Variants in RBSN observed in about 807,000 individuals in gnomAD.
RBSN encodes rabenosyn-5.
RBSN carries 34 observed loss-of-function variants against 60.5 expected under a neutral mutation model. That is an observed-to-expected ratio of 0.56 (90% confidence interval 0.43 to 0.75). The LOEUF (loss-of-function observed/expected upper bound fraction) is 0.75. Among genes scored for constraint, RBSN ranks in the 30% least tolerant of loss-of-function variants. The pLI is 0.00. For synonymous variants in RBSN, 322 were observed against 366.9 expected (o/e 0.88, Z 1.40); for missense variants, 845 against 986.8 (o/e 0.86, Z 1.92).
chr3:15,095,783 T>G, intron 4 of RBSN, 190 bp downstream of exon 4: 1 of 712,586 alleles, frequency 1.4e-6, no homozygotes, highest in Non-Finnish European at 2.3e-6. Flanking sequence ...AGCCACACAG[T>G]TATTGTGAGG....
Position 15,082,734 on chromosome 3 carries a change from G to A in RBSN, c.599-126C>T. The A allele has an allele frequency of 7.4e-7, 1 of 1,349,236 alleles. No individual in the cohort carries two copies. The highest frequency in any genetic ancestry group is 1.0e-6 in the Non-Finnish European group (1 of 993,498). 83.6% of individuals were successfully genotyped at this position (1,349,236 alleles called of 1,614,324 possible). A position where few individuals can be genotyped will look rare whatever the true frequency, so the allele number is the denominator to read the frequency against. On this transcript the variant is annotated intron_variant, in intron 8 of 13. Coordinates refer to ENST00000253699, the MANE Select transcript of RBSN (RefSeq NM_022340.4). This position sits in a 1 kb window ranked among gnomAD's most constrained non-coding sequence, Gnocchi z 4.2. ...TAATAAGATCAGGCTCCAGCTGTGGGCACGTACTGCCCCTCTGCCTTCCTG... is the reference window on the plus strand; with the variant it reads ...TAATAAGATCAGGCTCCAGCTGTGGACACGTACTGCCCCTCTGCCTTCCTG...
At chr3:15,076,263 T>C (rs903303645) in intron 12 of RBSN, among the ~76,000 whole-genome samples, 2 of 152,168 alleles carry the variant, frequency 1.3e-5, no homozygotes, top group African/African-American at 4.8e-5. Context: ...TACTTCTCTA[T>C]ACTACAGAGT....
intron 5 of RBSN, 80 bp from the exon 6 acceptor site, chr3:15,086,041 AG>A: frequency 1.9e-6 from 2 of 1,058,576 alleles, no homozygotes. Context: ...CTCTTATCCC[AG>A]TGAATTTCAA....
In RBSN at chr3:15,082,599, G is replaced by A; in HGVS notation, c.608C>T (p.Thr203Ile). The A allele has an allele frequency of 1.9e-6, 3 of 1,614,042 alleles. No homozygotes were observed. The highest frequency in any genetic ancestry group is 2.5e-6 in the Non-Finnish European group (3 of 1,179,970). Residue 203 changes from threonine (T) to isoleucine (I), a missense_variant, in exon 9 of 14, where the codon ACC becomes ATC. Thr to Ile is a moderately conservative substitution (Grantham distance 89). Transcript: ENST00000253699. This position sits in a 1 kb window ranked among gnomAD's most constrained non-coding sequence, Gnocchi z 4.2. ...GCTCAGGGACTCCTTGCTGGCACTG[G>A]TGAGCTTGTCTGTAACCACAACACC... is the stretch of plus-strand genomic sequence containing the variant. ...LISLPLANKL[T>I]SASKESLSTH...
chr3:15,084,839 T>G lies in RBSN; in HGVS notation c.494A>C (p.Asp165Ala). ...VNDQDVPFCP[D>A]CGNKFSIRNR... is the part of the protein sequence containing the mutation. ...CCGGATGCTGAACTTATTCCCACAG[T>G]CTGGACAGAAAGGGACATCCTGGTC... is the stretch of plus-strand genomic sequence containing the variant. Residue 165 changes from aspartate to alanine, a missense_variant, in exon 8 of 14, where the codon GAC (aspartate) becomes GCC (alanine). By Grantham distance (126) the Asp-to-Ala change is moderately radical (BLOSUM62 -2). Transcript: ENST00000253699. This position sits in a 1 kb window ranked among gnomAD's most constrained non-coding sequence, Gnocchi z 4.2. 6.2e-7 allele frequency: 1 copy of G among 1,614,140 alleles called. No homozygotes were observed. The highest frequency in any genetic ancestry group is 8.5e-7 in the Non-Finnish European group (1 of 1,180,038).
chr3:15,090,295 C>A, intron 5 of RBSN, 104 bp downstream of exon 5: 1 of 1,276,992 alleles, frequency 7.8e-7, no homozygotes, highest in South Asian at 1.4e-5. Context: ...AAGCTTAGAC[C>A]ATTATGGTTT....
intron 5 of RBSN, among the ~76,000 whole-genome samples, chr3:15,089,175 A>G (rs2043427802): frequency 6.6e-6 from 1 of 152,202 alleles, no homozygotes; most frequent in African/African-American, 2.4e-5. Context: ...AGACGGTTAA[A>G]GGATATGTAG....
Position 15,074,303 on chromosome 3 carries a change from G to T in RBSN, c.1834C>A (p.Pro612Thr). ...GPPAVGQERL[P>T]QSSMPQQHEG... ...TGTTGCTGTGGCATGCTGCTCTGGG[G>T]TAAGCGCTCCTGGCCAACGGCTGGG... The change falls in exon 14 of 14, where the codon CCC (proline) becomes ACC (threonine). Residue 612 changes from proline to threonine, a missense_variant. By Grantham distance (38) the Pro-to-Thr change is conservative. Transcript: ENST00000253699. This position sits in a 1 kb window ranked among gnomAD's most constrained non-coding sequence, Gnocchi z 6.4. 1 of 1,614,142 alleles carries T rather than the reference G, an allele frequency of 6.2e-7. No homozygotes were observed.
chr3:15,075,055 A>G, intron 13 of RBSN, 125 bp from the exon 14 acceptor site: 1 of 1,145,258 alleles, frequency 8.7e-7, no homozygotes, highest in Non-Finnish European at 1.2e-6. Context: ...ACCTCAGGAC[A>G]AAGATATCCA....
chr3:15,098,570 A>G (rs925778193), intron 1 of RBSN, among the ~76,000 whole-genome samples: 3 of 151,032 alleles, frequency 2.0e-5, no homozygotes, highest in African/African-American at 7.3e-5. Context: ...AGCCGCACTC[A>G]ACCCGGCCTC....
chr3:15,072,083 C>T lies in RBSN; in HGVS notation c.*1699G>A, dbSNP rs936906341. 6.6e-6 allele frequency: 1 copy of T among 152,662 alleles called. No individual in the cohort carries two copies. The highest frequency in any genetic ancestry group is 1.9e-4 in the East Asian group (1 of 5,202). The allele number at this position is 152,662 out of a possible 1,614,324, so 9.5% of individuals were successfully genotyped here. On this transcript the variant is annotated 3_prime_UTR_variant, in exon 14 of 14. Coordinates refer to ENST00000253699, the MANE Select transcript of RBSN (RefSeq NM_022340.4). Reference sequence around the variant, plus strand: ...CTTCAAACATTTCAGTTTCTCAATACTAACATTGGTAATAAAATATCTCAT... The same window carrying T: ...CTTCAAACATTTCAGTTTCTCAATATTAACATTGGTAATAAAATATCTCAT...
Position 15,084,644 on chromosome 3 carries a change from CA to C in RBSN, c.598+90del. ...AGATTCCCATGAGCCATTAATTTAA[CA>C]AAAAGGTTCCACGATCCCAGTGGTA... On this transcript the variant is annotated intron_variant, in intron 8 of 13. Transcript: ENST00000253699. This position sits in a 1 kb window ranked among gnomAD's most constrained non-coding sequence, Gnocchi z 4.2. 6.9e-7 allele frequency: 1 copy of C among 1,454,810 alleles called. No homozygotes were observed. The highest frequency in any genetic ancestry group is 2.3e-5 in the East Asian group (1 of 43,404). 90.1% of individuals were successfully genotyped at this position (1,454,810 alleles called of 1,614,324 possible). A position where few individuals can be genotyped will look rare whatever the true frequency, so the allele number is the denominator to read the frequency against.
chr3:15,086,415 G>C (rs1016688639), intron 5 of RBSN, among the ~76,000 whole-genome samples: 1 of 152,214 alleles, frequency 6.6e-6, no homozygotes, highest in African/African-American at 2.4e-5. Flanking sequence ...AGAGACCTGA[G>C]AGTAGAGCAG....
At position 15,086,053 on chromosome 3, in the gene RBSN, A is replaced by C. The variant is rs2043331130; in HGVS notation, c.290-92T>G. The C allele has an allele frequency of 2.6e-5, 24 of 906,970 alleles. No individual in the cohort carries two copies. In the South Asian group the frequency reaches 3.5e-4, roughly 13 times the overall value. The allele number at this position is 906,970 out of a possible 1,614,324, so 56.2% of individuals were successfully genotyped here. The stretch of plus-strand genomic sequence containing the variant: ...TGCCTCTTATCCCAGTGAATTTCAA[A>C]AGCAGGTTGGTCAACATAGCGAGAC... On this transcript the variant is annotated intron_variant, in intron 5 of 13. Transcript: ENST00000253699.
At position 15,071,535 on chromosome 3, in the gene RBSN, C is replaced by G. The variant is rs3773478; in HGVS notation, c.*2247G>C. On this transcript the variant is annotated 3_prime_UTR_variant, in exon 14 of 14. Transcript: ENST00000253699. ...ACCAGCAGGGTTGGTAACTGGCTGA[C>G]ATTCATTAACACACTCATATGGCTG... 6.6e-6 allele frequency: 1 copy of G among 152,184 alleles called. No homozygotes were observed. The highest frequency in any genetic ancestry group is 1.5e-5 in the Non-Finnish European group (1 of 68,036). The allele number at this position is 152,184 out of a possible 1,614,324, so 9.4% of individuals were successfully genotyped here.
At position 15,074,911 on chromosome 3, in the gene RBSN, C is replaced by T. The variant is rs771058385; in HGVS notation, c.1226G>A (p.Arg409Gln). Reference protein sequence around the residue: ...VERQAALESQRRLEERQSGLA... With the variant: ...VERQAALESQQRLEERQSGLA... ...GCCACTCTGCCTTTCCTCAAGCCTTCGCTGGGACTCCAGGGCAGCCTGGGG... is the reference window on the plus strand; with the variant it reads ...GCCACTCTGCCTTTCCTCAAGCCTTTGCTGGGACTCCAGGGCAGCCTGGGG... The change falls in exon 14 of 14, where the codon CGA becomes CAA. Residue 409 changes from arginine to glutamine, a missense_variant. Coordinates refer to ENST00000253699, the MANE Select transcript of RBSN (RefSeq NM_022340.4). This position sits in a 1 kb window ranked among gnomAD's most constrained non-coding sequence, Gnocchi z 6.4. The T allele has an allele frequency of 1.3e-5, 21 of 1,610,948 alleles. No homozygotes were observed. Among genetic ancestry groups the T allele is most frequent in the East Asian group, 2.2e-5 (1 of 44,874 alleles).
At chr3:15,075,343 A>G (rs1309485338) in intron 13 of RBSN, 5 of 644,472 alleles carry the variant, frequency 7.8e-6, no homozygotes, top group Non-Finnish European at 1.4e-5. Context: ...AACTCCTGCC[A>G]TAGGGAGAAC....
chr3:15,084,128 A>T lies in RBSN; in HGVS notation c.598+607T>A, dbSNP rs1383463902. Among the ~76,000 whole-genome samples the T allele has an allele frequency of 1.3e-5, 2 of 151,946 alleles. No individual in the cohort carries two copies. Among genetic ancestry groups the T allele is most frequent in the Non-Finnish European group, 2.9e-5 (2 of 67,998 alleles). The stretch of plus-strand genomic sequence containing the variant: ...CATTGCTATTTTATTTTATTTATTT[A>T]TTTTTTTGAGATGGGAGTCTCGCTC... On this transcript the variant is annotated intron_variant, in intron 8 of 13. Transcript: ENST00000253699. The surrounding 1 kb of genome is among the most constrained non-coding windows in gnomAD (Gnocchi z 4.2).
In RBSN at chr3:15,073,501, C is replaced by A; in HGVS notation, c.*281G>T. 2.6e-6 allele frequency: 1 copy of A among 378,728 alleles called. No individual in the cohort carries two copies. The highest frequency in any genetic ancestry group is 4.8e-6 in the Non-Finnish European group (1 of 209,654). 23.5% of individuals were successfully genotyped at this position (378,728 alleles called of 1,614,324 possible). A position where few individuals can be genotyped will look rare whatever the true frequency, so the allele number is the denominator to read the frequency against. On this transcript the variant is annotated 3_prime_UTR_variant, in exon 14 of 14. Coordinates refer to ENST00000253699, the MANE Select transcript of RBSN (RefSeq NM_022340.4). ...ATCTCGGTAGTAAAAATGTAAAGTC[C>A]CTTCAAAAGGGGTAAACCTCCGATT... is the stretch of plus-strand genomic sequence containing the variant.
Sources: allele counts gnomAD v4.1 joint callset (sites outside exome capture counted in the v4.1 genomes callset), GRCh38; gene constraint gnomAD v4.1.1; non-coding constraint Gnocchi (gnomAD v3.1); transcripts MANE v1.5; gene names NCBI Gene and HGNC (gene_info 2026-07-23, HGNC 2026-07-21).